The following RGS6 variants were observed in gnomAD, a reference collection of about 807,000 sequenced individuals.
RGS6 encodes the protein regulator of G-protein signaling 6.
In RGS6, 30 loss-of-function variants were observed where a neutral mutation model predicts 78.5. That is an observed-to-expected ratio of 0.38 (90% CI 0.29 to 0.52). The LOEUF (loss-of-function observed/expected upper bound fraction) is 0.52, where lower values mean the gene tolerates loss of function less well. Among genes scored for constraint, RGS6 ranks in the 20% least tolerant of loss-of-function variants. The pLI is 0.85. For missense variants in RGS6, 495 were observed against 609.7 expected (o/e 0.81, Z 1.98); for synonymous variants, 206 against 206.0 (o/e 1.00, Z 0.00).
intron 2 of RGS6, among the ~76,000 whole-genome samples, chr14:72,267,903 T>G (rs1567621278): frequency 6.6e-6 from 1 of 152,228 alleles, no homozygotes; most frequent in East Asian, 1.9e-4. Flanking sequence ...TCTGTCATTA[T>G]TTTAGTTTCC....
chr14:72,620,869 T>C, the RGS6 span, among the ~76,000 whole-genome samples: 15 of 152,338 alleles, frequency 9.8e-5, no homozygotes, highest in East Asian at 2.1e-3. Flanking sequence ...GGCTGGGCGC[T>C]GTGGCGCATG....
intron 8 of RGS6, among the ~76,000 whole-genome samples, chr14:72,470,894 A>C (rs865859126): frequency 3.3e-5 from 5 of 151,638 alleles, no homozygotes; most frequent in East Asian, 3.9e-4. Flanking sequence ...AAAAAAAAAA[A>C]AAACAAGATT....
chr14:72,571,521 C>A (rs568722256), downstream of RGS6, among the ~76,000 whole-genome samples: 1 of 152,142 alleles, frequency 6.6e-6, no homozygotes, highest in African/African-American at 2.4e-5. Flanking sequence ...TAAACCCATG[C>A]GTTTATAGCC....
intron 2 of RGS6, among the ~76,000 whole-genome samples, chr14:72,294,805 C>G (rs561176956): frequency 6.6e-6 from 1 of 152,190 alleles, no homozygotes; most frequent in Admixed American, 6.5e-5. Context: ...AAACCGTTCA[C>G]GAAGGATCCA....
chr14:72,372,767 G>A (rs137902195), intron 3 of RGS6, among the ~76,000 whole-genome samples: 2 of 152,306 alleles, frequency 1.3e-5, no homozygotes, highest in Non-Finnish European at 2.9e-5. Flanking sequence ...AAGAAGCAGG[G>A]TGTTAACCTT....
chr14:72,177,896 G>A (rs76511182), intron 2 of RGS6, among the ~76,000 whole-genome samples: 1,565 of 152,310 alleles, frequency 0.01, 32 homozygotes, highest in African/African-American at 0.035. Context: ...ACGAAAATGT[G>A]TTCTTAGGCT....
chr14:72,341,736 A>G (rs1032957096), intron 2 of RGS6, among the ~76,000 whole-genome samples: 1 of 152,198 alleles, frequency 6.6e-6, no homozygotes, highest in South Asian at 2.1e-4. Context: ...AAGCCATAGC[A>G]GTTTTTCACC....
intron 2 of RGS6, among the ~76,000 whole-genome samples, chr14:72,168,733 C>T (rs1436348129): frequency 1.3e-5 from 2 of 152,166 alleles, no homozygotes; most frequent in African/African-American, 4.8e-5. Context: ...CAGCGCTGCT[C>T]TAGAAGGGAG....
At chr14:72,196,711 T>C (rs1003913955) in intron 2 of RGS6, among the ~76,000 whole-genome samples, 6 of 152,258 alleles carry the variant, frequency 3.9e-5, no homozygotes. Flanking sequence ...TTTGTTTCTC[T>C]TGCATCTGTC....
intron 2 of RGS6, among the ~76,000 whole-genome samples, chr14:72,058,942 T>TG (rs1229164018): frequency 6.6e-6 from 1 of 152,192 alleles, no homozygotes; most frequent in African/African-American, 2.4e-5. Flanking sequence ...CTCGCTCTGT[T>TG]GCCCATGATG....
intron 2 of RGS6, among the ~76,000 whole-genome samples, chr14:72,065,530 A>G (rs1596970759): frequency 1.3e-5 from 2 of 152,194 alleles, no homozygotes; most frequent in South Asian, 4.1e-4. Flanking sequence ...CCCATGCTTG[A>G]CTACCCAATA....
At chr14:71,981,564 G>C in intron 2 of RGS6, among the ~76,000 whole-genome samples, 1 of 148,790 alleles carries the variant, frequency 6.7e-6, no homozygotes, top group Non-Finnish European at 1.5e-5. Flanking sequence ...CTCCCAGTTA[G>C]GCCGCTCGGG....
chr14:72,310,828 G>C (rs1162954412), intron 2 of RGS6, among the ~76,000 whole-genome samples: 2 of 152,106 alleles, frequency 1.3e-5, no homozygotes, highest in Admixed American at 1.3e-4. Flanking sequence ...CCCTTCCAGG[G>C]ACCCATGTGA....
intron 2 of RGS6, among the ~76,000 whole-genome samples, chr14:72,136,036 A>G (rs1411115072): frequency 6.6e-6 from 1 of 152,134 alleles, no homozygotes; most frequent in Non-Finnish European, 1.5e-5. Flanking sequence ...TTGTTGCACC[A>G]TTTGCCTGAC....
chr14:72,301,115 G>A (rs1173386205), intron 2 of RGS6, among the ~76,000 whole-genome samples: 1 of 152,214 alleles, frequency 6.6e-6, no homozygotes, highest in Non-Finnish European at 1.5e-5. Flanking sequence ...GGTAGGATTT[G>A]TAATACCATC....
intron 2 of RGS6, among the ~76,000 whole-genome samples, chr14:72,272,375 C>G (rs750810011): frequency 6.6e-6 from 1 of 152,190 alleles, no homozygotes; most frequent in South Asian, 2.1e-4. Flanking sequence ...TTTAGCTTCT[C>G]TCCTTCAAAC....
At chr14:72,588,941 G>GC in the RGS6 span, among the ~76,000 whole-genome samples, 6 of 151,994 alleles carry the variant, frequency 3.9e-5, no homozygotes, top group South Asian at 4.2e-4. Context: ...CTGCCAGCAT[G>GC]CCCCCCCAAC....
intron 2 of RGS6, among the ~76,000 whole-genome samples, chr14:72,106,268 G>A (rs575703285): frequency 6.6e-6 from 1 of 152,278 alleles, no homozygotes; most frequent in South Asian, 2.1e-4. Context: ...AATAAGCATA[G>A]TTTAATGCAA....
At chr14:71,891,501 C>A in the RGS6 span, among the ~76,000 whole-genome samples, 1 of 152,180 alleles carries the variant, frequency 6.6e-6, no homozygotes, top group South Asian at 2.1e-4. Context: ...TGATTTCTTA[C>A]ATGGCAACTG....
Sources: gnomAD v4.1 joint callset for allele counts (sites outside exome capture counted in the v4.1 genomes callset) on GRCh38, gnomAD v4.1.1 for gene constraint, MANE v1.5 for transcripts, NCBI Gene and HGNC (gene_info 2026-07-23, HGNC 2026-07-21) for gene names.